Variants in CCDC171 observed in about 807,000 individuals in gnomAD.
The protein encoded by CCDC171 is coiled-coil domain containing 171, also known as coiled-coil domain-containing protein 171.
Under a neutral mutation model 168.2 loss-of-function variants are expected in CCDC171, and 177 were observed. That is an observed-to-expected ratio of 1.05 (90% CI 0.93 to 1.19). CCDC171 has a LOEUF of 1.19. Among genes scored for constraint, CCDC171 ranks in the 50% most tolerant of loss-of-function variants. The pLI, the probability that CCDC171 is intolerant of heterozygous loss-of-function variation, is 0.00. For synonymous variants in CCDC171, 687 were observed against 540.8 expected, an observed-to-expected ratio of 1.27 and a Z score of -3.75; for missense variants, 1,991 against 1,539.0, an observed-to-expected ratio of 1.29 and a Z score of -4.91.
intron 3 of CCDC171, among the ~76,000 whole-genome samples, chr9:15,991,613 T>C (rs993634758): frequency 6.6e-6 from 1 of 151,474 alleles, no homozygotes; most frequent in Non-Finnish European, 1.5e-5. Context: ...GACACAAAAA[T>C]CCCTTCAAAA....
At chr9:15,766,864 G>A (rs1162409790) in intron 18 of CCDC171, among the ~76,000 whole-genome samples, 1 of 152,054 alleles carries the variant, frequency 6.6e-6, no homozygotes, top group Admixed American at 6.5e-5. Context: ...GTCTTACTAT[G>A]TTGTCCAGAC....
intron 3 of CCDC171, among the ~76,000 whole-genome samples, chr9:15,981,478 G>A (rs1020849946): frequency 1.3e-5 from 2 of 152,156 alleles, no homozygotes; most frequent in African/African-American, 4.8e-5. Context: ...GTTATAGTCT[G>A]AGCTGACTGA....
intron 24 of CCDC171, among the ~76,000 whole-genome samples, chr9:15,906,351 A>G (rs1822602653): frequency 6.6e-6 from 1 of 152,232 alleles, no homozygotes; most frequent in African/African-American, 2.4e-5. Flanking sequence ...CATCCCTGGG[A>G]TGCAAAGCTG....
chr9:15,684,335 T>A (rs993281148), intron 10 of CCDC171, among the ~76,000 whole-genome samples: 2 of 152,100 alleles, frequency 1.3e-5, no homozygotes, highest in African/African-American at 2.4e-5. Flanking sequence ...AAAATGCTTA[T>A]TTCATTAAAA....
At chr9:15,798,182 G>A (rs760943506) in intron 21 of CCDC171, among the ~76,000 whole-genome samples, 1 of 151,968 alleles carries the variant, frequency 6.6e-6, no homozygotes, top group Non-Finnish European at 1.5e-5. Context: ...TCATTTTCTT[G>A]TAAGATATTA....
chr9:15,878,390 C>G (rs1000170846), intron 24 of CCDC171, among the ~76,000 whole-genome samples: 2 of 152,010 alleles, frequency 1.3e-5, no homozygotes, highest in South Asian at 2.1e-4. Flanking sequence ...AACAACATTG[C>G]TGATCATTAG....
intron 24 of CCDC171, among the ~76,000 whole-genome samples, chr9:15,904,100 C>T (rs531730980): frequency 2.6e-5 from 4 of 152,276 alleles, no homozygotes; most frequent in East Asian, 1.9e-4. Flanking sequence ...GGAAAACACT[C>T]TTCAGGATAT....
chr9:15,583,956 C>T (rs2041348984), intron 4 of CCDC171, among the ~76,000 whole-genome samples: 1 of 152,140 alleles, frequency 6.6e-6, no homozygotes, highest in East Asian at 1.9e-4. Context: ...CAACCACCGC[C>T]TCCCGGGTTC....
chr9:15,936,312 A>T (rs1827113564), intron 25 of CCDC171, among the ~76,000 whole-genome samples: 1 of 152,066 alleles, frequency 6.6e-6, no homozygotes, highest in African/African-American at 2.4e-5. Context: ...ACAAAAAAAA[A>T]GTCAAAAATT....
chr9:16,028,028 C>A (rs1002180207), intron 6 of CCDC171, among the ~76,000 whole-genome samples: 4 of 152,110 alleles, frequency 2.6e-5, no homozygotes, highest in African/African-American at 9.7e-5. Context: ...GAGAAGGCAG[C>A]ATTTGAACTA....
intron 1 of CCDC171, among the ~76,000 whole-genome samples, chr9:16,052,921 C>T (rs567362471): frequency 6.6e-6 from 1 of 152,128 alleles, no homozygotes; most frequent in Non-Finnish European, 1.5e-5. Flanking sequence ...TCACCCGGCT[C>T]GCCGTTCAGC....
chr9:15,787,607 G>A (rs941053474), intron 21 of CCDC171, among the ~76,000 whole-genome samples: 8 of 151,772 alleles, frequency 5.3e-5, no homozygotes, highest in East Asian at 1.9e-4. Context: ...TAAATGTTAC[G>A]CACATATCTG....
Position 15,686,029 on chromosome 9 carries a change from A to G in CCDC171, c.1215+7133A>G, listed in dbSNP as rs191128054. On this transcript the variant is annotated intron_variant, in intron 10 of 25. Coordinates refer to ENST00000380701, the MANE Select transcript of CCDC171 (RefSeq NM_173550.4). ...TCTGCCTAATTTGACCCTAATTTTG[A>G]TCTCATATTGTAATAGTGTGGAAAT... Among the ~76,000 whole-genome samples the G allele has an allele frequency of 1.4e-3, 214 of 152,248 alleles. 1 individual carries two copies. The highest frequency in any genetic ancestry group is 4.4e-3 in the African/African-American group (183 of 41,560).
At chr9:15,693,520 A>C (rs1196164401) in intron 10 of CCDC171, among the ~76,000 whole-genome samples, 1 of 152,160 alleles carries the variant, frequency 6.6e-6, no homozygotes, top group Admixed American at 6.5e-5. Flanking sequence ...CTTAAATTCT[A>C]TGAGATGGGC....
chr9:15,729,459 T>A lies in CCDC171; in HGVS notation c.1861-151T>A, dbSNP rs915181222. 1.5e-5 allele frequency: 7 copies of A among 480,500 alleles called. No homozygotes were observed. The South Asian group carries it at 2.5e-4, about 17-fold the overall frequency. 29.8% of individuals were successfully genotyped at this position (480,500 alleles called of 1,614,324 possible). Reference sequence around the variant, plus strand: ...AGTTTACACTGCTATTTTCTTTTTTTAAATTTCTTTATTTACATTTTATGT... The same window carrying A: ...AGTTTACACTGCTATTTTCTTTTTTAAAATTTCTTTATTTACATTTTATGT... On this transcript the variant is annotated intron_variant, in intron 15 of 25. Transcript: ENST00000380701.
intron 10 of CCDC171, among the ~76,000 whole-genome samples, chr9:15,691,628 G>A (rs1164344235): frequency 6.9e-6 from 1 of 145,180 alleles, no homozygotes; most frequent in African/African-American, 2.6e-5. Context: ...GACTTTGATT[G>A]CCATTAGCAA....
chr9:15,757,988 C>G (rs143314582), intron 18 of CCDC171, among the ~76,000 whole-genome samples: 2 of 152,126 alleles, frequency 1.3e-5, no homozygotes, highest in Admixed American at 1.3e-4. Context: ...GGGTGGGGCT[C>G]TTATAGAGAA....
intron 3 of CCDC171, among the ~76,000 whole-genome samples, chr9:16,013,503 G>C (rs1441598779): frequency 6.6e-6 from 1 of 152,198 alleles, no homozygotes; most frequent in African/African-American, 2.4e-5. Context: ...CTTCCTATGG[G>C]AGGCAGGAGC....
intron 10 of CCDC171, among the ~76,000 whole-genome samples, chr9:15,692,461 C>G (rs1488625077): frequency 2.0e-5 from 3 of 151,378 alleles, no homozygotes; most frequent in Non-Finnish European, 2.9e-5. Flanking sequence ...GAAAAAGGTT[C>G]TACAATGAAA....
Sources: allele counts gnomAD v4.1 joint callset (sites outside exome capture counted in the v4.1 genomes callset), GRCh38; gene constraint gnomAD v4.1.1; transcripts MANE v1.5; gene names NCBI Gene and HGNC (gene_info 2026-07-23, HGNC 2026-07-21).